The following KLHL33 variants were observed in gnomAD, a reference collection of about 807,000 sequenced individuals.
KLHL33 encodes kelch-like protein 33.
Under a neutral mutation model 60.8 loss-of-function variants are expected in KLHL33, and 46 were observed. That is an observed-to-expected ratio of 0.76 (90% CI 0.60 to 0.97). The LOEUF is 0.97. Ranked by LOEUF, KLHL33 falls within the 50% of genes least tolerant of loss-of-function variation. The pLI is 0.00. For missense variants in KLHL33, 1,055 were observed against 1,000.0 expected (o/e 1.05, Z -0.74); for synonymous variants, 434 against 432.2 (o/e 1.00, Z -0.05).
Position 20,429,378 on chromosome 14 carries a change from G to C in KLHL33, c.1865C>G (p.Pro622Arg). Residue 622 changes from proline (P) to arginine (R), a missense_variant, in exon 5 of 5, where the codon CCA becomes CGA. Physicochemically the swap from Pro to Arg is moderately radical, Grantham distance 103 (BLOSUM62 -2). Transcript: ENST00000636854. ...VWRPAPALPA[P>R]CFAHAAAILE... ...AATCGCAGCTGCGTGGGCAAAACAT[G>C]GTGCTGGAAGTGCAGGTGCTGGCCT... 1.3e-6 allele frequency: 2 copies of C among 1,551,746 alleles called. No individual in the cohort carries two copies. The highest frequency in any genetic ancestry group is 1.7e-6 in the Non-Finnish European group (2 of 1,146,976).
chr14:20,433,602 C>T (rs559925721), intron 2 of KLHL33, among the ~76,000 whole-genome samples: 1 of 152,208 alleles, frequency 6.6e-6, no homozygotes, highest in Admixed American at 6.5e-5. Flanking sequence ...CTCACAGCCA[C>T]TTGTATTCAC....
chr14:20,434,289 G>A (rs1196848445), intron 2 of KLHL33, among the ~76,000 whole-genome samples: 3 of 152,094 alleles, frequency 2.0e-5, no homozygotes, highest in Middle Eastern at 3.2e-3. Flanking sequence ...ACTCATGCCT[G>A]TAATCCCAGC....
In KLHL33 at chr14:20,435,474, A is replaced by G. The variant is rs1019735571; in HGVS notation, c.338T>C (p.Leu113Pro). The change falls in exon 2 of 5, where the codon CTG becomes CCG. Residue 113 changes from leucine (L) to proline (P), a missense_variant. Transcript: ENST00000636854. The part of the protein sequence containing the change: ...AQRLREQRLL[L>P]DEEVSVAGRV... Reference sequence around the variant, plus strand: ...CCCCGCGACTGACACCTCTTCGTCCAGCAACAGTCTCTGCTCCCGCAGCCG... The same window carrying G: ...CCCCGCGACTGACACCTCTTCGTCCGGCAACAGTCTCTGCTCCCGCAGCCG... The G allele has an allele frequency of 4.1e-6, 5 of 1,234,428 alleles. No homozygotes were observed. Among genetic ancestry groups the G allele is most frequent in the South Asian group, 4.1e-5 (1 of 24,426 alleles). The allele number at this position is 1,234,428 out of a possible 1,614,324, so 76.5% of individuals were successfully genotyped here.
chr14:20,428,963 G>C lies in KLHL33; in HGVS notation c.2280C>G (p.Cys760Trp). The C allele has an allele frequency of 6.4e-7, 1 of 1,551,662 alleles. No homozygotes were observed. Among genetic ancestry groups the C allele is most frequent in the Non-Finnish European group, 8.7e-7 (1 of 1,146,974 alleles). ...CCCGAGGCCTTGGCAGAGTTCCCAGGCAGAGCCATCGGCCCAGGCCAGGAC... is the reference window on the plus strand; with the variant it reads ...CCCGAGGCCTTGGCAGAGTTCCCAGCCAGAGCCATCGGCCCAGGCCAGGAC... ...AYCPGLGRWLCLGTLPRPRAE... is the reference protein window; with the variant it reads ...AYCPGLGRWLWLGTLPRPRAE... Residue 760 changes from cysteine (C) to tryptophan (W), a missense_variant, in exon 5 of 5, where the codon TGC becomes TGG. Cys to Trp is a radical substitution (Grantham distance 215). Coordinates refer to ENST00000636854, the MANE Select transcript of KLHL33 (RefSeq NM_001365790.2).
chr14:20,429,136 C>T lies in KLHL33; in HGVS notation c.2107G>A (p.Glu703Lys), dbSNP rs1390962890. ...TEDLLSFEAY[E>K]LRTDSWTHLA... ...TGAGTCCAGCTATCAGTCCTTAGTTCATAGGCCTCAAAGCTTAGCAGGTCC... is the reference window on the plus strand; with the variant it reads ...TGAGTCCAGCTATCAGTCCTTAGTTTATAGGCCTCAAAGCTTAGCAGGTCC... The change falls in exon 5 of 5, where the codon GAA becomes AAA. Residue 703 changes from glutamate to lysine, a missense_variant. Physicochemically the swap from Glu to Lys is moderately conservative, Grantham distance 56. Transcript: ENST00000636854. 2 of 1,551,710 alleles carry T rather than the reference C, an allele frequency of 1.3e-6. No individual in the cohort carries two copies. The highest frequency in any genetic ancestry group is 2.0e-5 in the Admixed American group (1 of 51,010).
chr14:20,430,817 T>TTTGGCCAAACTCTAAGA, intron 2 of KLHL33, 98 bp from the exon 3 acceptor site: 4 of 852,350 alleles, frequency 4.7e-6, no homozygotes, highest in Non-Finnish European at 7.0e-6. Context: ...AAACTCTAAG[T>TTTGGCCAAACTCTAAGA]TTGGCCCTCC....
rs1880647503 is a variant in KLHL33, at chr14:20,435,231, T to C, written c.581A>G (p.Lys194Arg). 2 of 1,234,268 alleles carry C rather than the reference T, an allele frequency of 1.6e-6. No individual in the cohort carries two copies. The highest frequency in any genetic ancestry group is 3.1e-5 in the African/African-American group (2 of 64,480). 76.5% of individuals were successfully genotyped at this position (1,234,268 alleles called of 1,614,324 possible). The change falls in exon 2 of 5, where the codon AAG becomes AGG. Residue 194 changes from lysine (K) to arginine (R), a missense_variant. Transcript: ENST00000636854. Reference sequence around the variant, plus strand: ...CTCGCATGTCTGCTGGGCAGCAGCCTTCACCCGGGGCGCTCCCAGCGCCTC... The same window carrying C: ...CTCGCATGTCTGCTGGGCAGCAGCCCTCACCCGGGGCGCTCCCAGCGCCTC... The part of the protein sequence containing the change: ...AAEALGAPRV[K>R]AAAQQTCERA...
rs1023843497 is a variant in KLHL33, at chr14:20,430,240, C to T, written c.1228G>A (p.Ala410Thr). The T allele has an allele frequency of 1.9e-6, 3 of 1,551,580 alleles. No individual in the cohort carries two copies. Among genetic ancestry groups the T allele is most frequent in the Admixed American group, 2.0e-5 (1 of 51,018 alleles). Residue 410 changes from alanine to threonine, a missense_variant, in exon 3 of 5, where the codon GCC becomes ACC. Transcript: ENST00000636854. ...AFVAARCWLA[A>T]NPETQESEAK... ...TCTGACTCCTGGGTCTCGGGGTTGG[C>T]AGCCAGCCAACACCGTGCAGCCACA...
intron 2 of KLHL33, among the ~76,000 whole-genome samples, chr14:20,432,068 A>C (rs1880524376): frequency 6.6e-6 from 1 of 152,078 alleles, no homozygotes; most frequent in Admixed American, 6.6e-5. Context: ...AACAATTTAG[A>C]GGGGAAAAAC....
chr14:20,436,005 G>T, intron 1 of KLHL33, 94 bp downstream of exon 1: 1 of 410,948 alleles, frequency 2.4e-6, no homozygotes, highest in Non-Finnish European at 4.2e-6. Context: ...CAGCTATAGG[G>T]TGCACGCGGT....
Position 20,429,934 on chromosome 14 carries a change from C to T in KLHL33, c.1534G>A (p.Val512Ile). ...FRCGVGLVRT[V>I]EWGQLPALPA... Reference sequence around the variant, plus strand: ...AGGGCAGGCAGCTGCCCCCACTCAACAGTTCGTACCAGTCCCACGCCACAG... The same window carrying T: ...AGGGCAGGCAGCTGCCCCCACTCAATAGTTCGTACCAGTCCCACGCCACAG... Residue 512 changes from valine to isoleucine, a missense_variant, in exon 3 of 5, where the codon GTT becomes ATT. Val to Ile is a conservative substitution (Grantham distance 29). Transcript: ENST00000636854. The T allele has an allele frequency of 6.4e-7, 1 of 1,551,768 alleles. No individual in the cohort carries two copies. Among genetic ancestry groups the T allele is most frequent in the Non-Finnish European group, 8.7e-7 (1 of 1,147,026 alleles).
intron 2 of KLHL33, among the ~76,000 whole-genome samples, chr14:20,434,559 T>G (rs1013219831): frequency 6.1e-4 from 88 of 144,702 alleles, no homozygotes; most frequent in Non-Finnish European, 1.2e-3. Flanking sequence ...AAAAAAAAAG[T>G]GCCACGGCCT....
In KLHL33 at chr14:20,428,778, C is replaced by T; in HGVS notation, c.*71G>A. 4 of 1,315,486 alleles carry T rather than the reference C, an allele frequency of 3.0e-6. No individual in the cohort carries two copies. The highest frequency in any genetic ancestry group is 1.4e-5 in the South Asian group (1 of 69,360). 81.5% of individuals were successfully genotyped at this position (1,315,486 alleles called of 1,614,324 possible). On this transcript the variant is annotated 3_prime_UTR_variant, in exon 5 of 5. Coordinates refer to ENST00000636854, the MANE Select transcript of KLHL33 (RefSeq NM_001365790.2). ...ACCAAGAATAAAGCCTCTTTTCACT[C>T]CCCACAATCTCTGTCCTTCTCTCAG... is the stretch of plus-strand genomic sequence containing the variant.
rs1491092488 is a variant in KLHL33, at chr14:20,426,495, A to AC, written c.*2353_*2354insG. On this transcript the variant is annotated 3_prime_UTR_variant, in exon 5 of 5. Transcript: ENST00000636854. The stretch of plus-strand genomic sequence containing the variant: ...GGGCAACAGAGTAAAACTCTGTCTC[A>AC]AAAAAAAAAAAAAAAAAAAGAAAAA... The AC allele has an allele frequency of 3.6e-5, 1 of 27,870 alleles. No individual in the cohort carries two copies. The highest frequency in any genetic ancestry group is 8.7e-5 in the Non-Finnish European group (1 of 11,510). The allele number at this position is 27,870 out of a possible 1,614,324, so 1.7% of individuals were successfully genotyped here. A position where few individuals can be genotyped will look rare whatever the true frequency, so the allele number is the denominator to read the frequency against.
chr14:20,434,981 G>A, intron 2 of KLHL33, 83 bp downstream of exon 2: 2 of 1,131,418 alleles, frequency 1.8e-6, no homozygotes, highest in Non-Finnish European at 2.2e-6. Flanking sequence ...CCATCATGGT[G>A]GGGATAAAAC....
At chr14:20,432,714 G>T (rs542890645) in intron 2 of KLHL33, among the ~76,000 whole-genome samples, 1 of 152,108 alleles carries the variant, frequency 6.6e-6, no homozygotes, top group South Asian at 2.1e-4. Context: ...CTGAGGTCAG[G>T]AGTTCAAGAC....
At chr14:20,432,495 T>C (rs1224031734) in intron 2 of KLHL33, among the ~76,000 whole-genome samples, 1 of 151,270 alleles carries the variant, frequency 6.6e-6, no homozygotes, top group Non-Finnish European at 1.5e-5. Context: ...AGGACTGTAC[T>C]AGATTAAAGG....
rs749594652 is a variant in KLHL33 at position 20,430,566 on chromosome 14, C to T, written c.902G>A (p.Arg301Gln). The change falls in exon 3 of 5, where the codon CGG (arginine) becomes CAG (glutamine). Residue 301 changes from arginine to glutamine, a missense_variant. Transcript: ENST00000636854. Reference sequence around the variant, plus strand: ...TCTCAGTAGCCCTGGCCACCTTGCCCGCACAACTCCGGAGTAAGCAAAAGA... The same window carrying T: ...TCTCAGTAGCCCTGGCCACCTTGCCTGCACAACTCCGGAGTAAGCAAAAGA... ...LVSFAYSGVV[R>Q]ARWPGLLRAA... 1.1e-4 allele frequency: 163 copies of T among 1,539,272 alleles called. No individual in the cohort carries two copies. Among genetic ancestry groups the T allele is most frequent in the Non-Finnish European group, 1.3e-4 (153 of 1,147,034 alleles).
At position 20,430,418 on chromosome 14, in the gene KLHL33, C is replaced by T; in HGVS notation, c.1050G>A (p.Gly350=). Residue 350 remains glycine, a synonymous_variant, in exon 3 of 5, where the codon GGG becomes GGA. Transcript: ENST00000636854. ...LALFPMAEAP[G]LERLWSKARH... ...GGGCTTTGCTCCAGAGCCTCTCCAA[C>T]CCAGGGGCTTCCGCCATGGGGAACA... The T allele has an allele frequency of 6.4e-7, 1 of 1,551,782 alleles. No individual in the cohort carries two copies. Among genetic ancestry groups the T allele is most frequent in the Non-Finnish European group, 8.7e-7 (1 of 1,147,022 alleles).
Sources: allele counts gnomAD v4.1 joint callset (sites outside exome capture counted in the v4.1 genomes callset), GRCh38; gene constraint gnomAD v4.1.1; transcripts MANE v1.5; gene names NCBI Gene and HGNC (gene_info 2026-07-23, HGNC 2026-07-21).